Variants in CCDC7 observed in about 807,000 individuals in gnomAD.
CCDC7 encodes the protein coiled-coil domain-containing protein 7.
Under a neutral mutation model 196.9 loss-of-function variants are expected in CCDC7, and 183 were observed. The ratio of observed to expected loss-of-function variants is 0.93; its 90% confidence interval spans 0.82 to 1.05. The LOEUF is 1.05. CCDC7 is among the 50% of genes least tolerant of loss of function. The probability of loss-of-function intolerance (pLI) is 0.00; values close to 1 mark genes in which losing one functional copy is unlikely to be tolerated. For missense variants in CCDC7, 1,540 were observed against 1,482.2 expected, an observed-to-expected ratio of 1.04 and a Z score of -0.64; for synonymous variants, 525 against 484.6, an observed-to-expected ratio of 1.08 and a Z score of -1.10.
chr10:32,848,693 C>G, exon 39 of CCDC7: 1 of 1,546,628 alleles, frequency 6.5e-7, no homozygotes, highest in Non-Finnish European at 8.9e-7. Flanking sequence ...CAAAAGTGAT[C>G]AATTTATCAC....
chr10:32,447,491 A>G (rs2031646978), upstream of CCDC7, among the ~76,000 whole-genome samples: 2 of 152,154 alleles, frequency 1.3e-5, no homozygotes, highest in Non-Finnish European at 1.5e-5. Context: ...AATGTAATTT[A>G]TTCAGAATTC....
chr10:32,486,796 CT>C (rs2041191232), intron 8 of CCDC7, among the ~76,000 whole-genome samples: 1 of 150,894 alleles, frequency 6.6e-6, no homozygotes, highest in African/African-American at 2.4e-5. Context: ...AAATTCTTTT[CT>C]TTAAGAATGT....
At chr10:32,542,649 A>AAAT (rs2051673244) in intron 11 of CCDC7, among the ~76,000 whole-genome samples, 1 of 151,382 alleles carries the variant, frequency 6.6e-6, no homozygotes, top group South Asian at 2.1e-4. Flanking sequence ...AAAAAAAAAA[A>AAAT]AAAAGCAGAA....
intron 20 of CCDC7, among the ~76,000 whole-genome samples, chr10:32,655,006 G>T (rs902308036): frequency 6.6e-5 from 10 of 152,230 alleles, no homozygotes; most frequent in African/African-American, 2.4e-4. Context: ...TAGGGTGAGG[G>T]ATATTCTGGA....
At chr10:32,511,351 T>C in intron 9 of CCDC7, 3 of 1,605,662 alleles carry the variant, frequency 1.9e-6, no homozygotes, top group Non-Finnish European at 2.6e-6. Flanking sequence ...CAACTTTTGA[T>C]GCATTTTTCG....
At chr10:32,555,128 T>C (rs972199401) in intron 13 of CCDC7, among the ~76,000 whole-genome samples, 1 of 152,244 alleles carries the variant, frequency 6.6e-6, no homozygotes, top group Non-Finnish European at 1.5e-5. Context: ...TAAATCTTAG[T>C]TATTTTTGAA....
intron 16 of CCDC7, among the ~76,000 whole-genome samples, chr10:32,575,076 A>G (rs960676177): frequency 2.0e-5 from 3 of 152,204 alleles, no homozygotes; most frequent in Non-Finnish European, 4.4e-5. Flanking sequence ...AAAATAAATG[A>G]ACAAGATAAT....
At chr10:32,759,187 C>G (rs1001160790) in intron 28 of CCDC7, among the ~76,000 whole-genome samples, 3 of 152,152 alleles carry the variant, frequency 2.0e-5, no homozygotes, top group Non-Finnish European at 4.4e-5. Flanking sequence ...TTTATAGATT[C>G]AATGCCATCC....
At chr10:32,813,036 C>T (rs2087517283) in intron 30 of CCDC7, among the ~76,000 whole-genome samples, 2 of 152,126 alleles carry the variant, frequency 1.3e-5, no homozygotes, top group Admixed American at 1.3e-4. Flanking sequence ...ATTTGAGCAG[C>T]TGGTGTCATA....
At chr10:32,728,420 C>T (rs1323763458) in intron 26 of CCDC7, among the ~76,000 whole-genome samples, 3 of 152,090 alleles carry the variant, frequency 2.0e-5, no homozygotes, top group Non-Finnish European at 2.9e-5. Flanking sequence ...GCCCCATCTC[C>T]ACATAATTAT....
intron 18 of CCDC7, among the ~76,000 whole-genome samples, chr10:32,611,122 G>A (rs2062080567): frequency 6.6e-6 from 1 of 152,146 alleles, no homozygotes; most frequent in African/African-American, 2.4e-5. Context: ...ATTCTAACTG[G>A]TGTGAGATGG....
At position 32,693,825 on chromosome 10, in the gene CCDC7, T is replaced by C. The variant is rs555512392; in HGVS notation, c.2345-1054T>C. On this transcript the variant is annotated intron_variant, in intron 23 of 41. Transcript: ENST00000639629. Reference sequence around the variant, plus strand: ...GTCCCTGTCTGAGTGAGTGTGGGTATGTGTCTGAGTGCGCCCTGATATGGC... The same window carrying C: ...GTCCCTGTCTGAGTGAGTGTGGGTACGTGTCTGAGTGCGCCCTGATATGGC... Among the ~76,000 whole-genome samples the C allele has an allele frequency of 2.6e-5, 4 of 152,198 alleles. No individual in the cohort carries two copies. The East Asian group carries it at 7.7e-4, about 29-fold the overall frequency.
At position 32,712,100 on chromosome 10, in the gene CCDC7, A is replaced by G. The variant is rs560694904; in HGVS notation, c.2569+370A>G. Among the ~76,000 whole-genome samples the G allele has an allele frequency of 2.6e-5, 4 of 152,250 alleles. No individual in the cohort carries two copies. In the East Asian group the frequency reaches 7.7e-4, roughly 29 times the overall value. Reference sequence around the variant, plus strand: ...TGCCGAGATCTGTAACTGAAGCAACAAATGGAAATCAGAGAGGTACAAGGG... The same window carrying G: ...TGCCGAGATCTGTAACTGAAGCAACGAATGGAAATCAGAGAGGTACAAGGG... On this transcript the variant is annotated intron_variant, in intron 25 of 41. Coordinates refer to ENST00000639629, the Ensembl canonical transcript of CCDC7.
chr10:32,574,114 G>A (rs755454877), intron 16 of CCDC7, among the ~76,000 whole-genome samples: 11 of 152,144 alleles, frequency 7.2e-5, no homozygotes, highest in African/African-American at 2.4e-4. Flanking sequence ...GGTGTGCCAA[G>A]TGGACAGAAC....
At chr10:32,784,577 A>G (rs2081531422) in intron 29 of CCDC7, among the ~76,000 whole-genome samples, 1 of 149,814 alleles carries the variant, frequency 6.7e-6, no homozygotes, top group South Asian at 2.2e-4. Context: ...TTATAAGCCA[A>G]AGTTCTTTTT....
At chr10:32,733,374 C>CT (rs1455199721) in intron 28 of CCDC7, among the ~76,000 whole-genome samples, 13 of 151,934 alleles carry the variant, frequency 8.6e-5, no homozygotes, top group African/African-American at 1.9e-4. Context: ...TTAAAAGCAT[C>CT]TTTTTTGTAG....
chr10:32,654,045 A>C (rs181886072), intron 20 of CCDC7, among the ~76,000 whole-genome samples: 133 of 152,212 alleles, frequency 8.7e-4, no homozygotes, highest in African/African-American at 3.2e-3. Flanking sequence ...CTGACTAGGT[A>C]ATTTCAACTT....
At chr10:32,719,548 T>C (rs564111002) in intron 25 of CCDC7, among the ~76,000 whole-genome samples, 1 of 152,242 alleles carries the variant, frequency 6.6e-6, no homozygotes, top group East Asian at 1.9e-4. Context: ...CTAAAGAGCT[T>C]CTGCACAGCA....
chr10:32,612,426 A>G (rs1381481692), intron 18 of CCDC7, among the ~76,000 whole-genome samples: 1 of 152,032 alleles, frequency 6.6e-6, no homozygotes, highest in Non-Finnish European at 1.5e-5. Flanking sequence ...CTCTTGCCTA[A>G]CTGCCCTGGC....
Sources: gnomAD v4.1 joint callset for allele counts (sites outside exome capture counted in the v4.1 genomes callset) on GRCh38, gnomAD v4.1.1 for gene constraint, MANE v1.5 for transcripts, NCBI Gene and HGNC (gene_info 2026-07-23, HGNC 2026-07-21) for gene names.